The following MFAP2 variants were observed in gnomAD, a reference collection of about 807,000 sequenced individuals.
MFAP2 encodes the protein microfibrillar-associated protein 2.
Under a neutral mutation model 30.6 loss-of-function variants are expected in MFAP2, and 23 were observed. The ratio of observed to expected loss-of-function variants is 0.75; its 90% CI spans 0.54 to 1.07. The LOEUF (loss-of-function observed/expected upper bound fraction) is 1.07, where lower values mean the gene tolerates loss of function less well. Among genes scored for constraint, MFAP2 ranks in the 50% least tolerant of loss-of-function variants. MFAP2 has a pLI of 0.00. For missense variants in MFAP2, 198 were observed against 223.8 expected, an observed-to-expected ratio of 0.88 and a Z score of 0.74; for synonymous variants, 73 against 85.7, an observed-to-expected ratio of 0.85 and a Z score of 0.82.
At chr1:16,980,098 G>A (rs2076624969) in intron 1 of MFAP2, among the ~76,000 whole-genome samples, 1 of 152,016 alleles carries the variant, frequency 6.6e-6, no homozygotes, top group Non-Finnish European at 1.5e-5. Flanking sequence ...GGCTCTGCCG[G>A]CTCCAGAGCC....
At position 16,974,804 on chromosome 1, in the gene MFAP2, C is replaced by A. The variant is rs1461460815; in HGVS notation, c.*116G>T. 95 of 494,886 alleles carry A rather than the reference C, an allele frequency of 1.9e-4. 1 individual carries two copies. In the East Asian group the frequency reaches 3.0e-3, roughly 15 times the overall value. 30.7% of individuals were successfully genotyped at this position (494,886 alleles called of 1,614,324 possible). On this transcript the variant is annotated 3_prime_UTR_variant, in exon 9 of 9. Transcript: ENST00000375535. ...GCCTGCAACCCCCAGGGCTGCAGTC[C>A]ACTAACTTTTTACAGAATAAAAGGA...
chr1:16,976,791 A>T lies in MFAP2; in HGVS notation c.158T>A (p.Val53Glu). 1 of 1,613,652 alleles carries T rather than the reference A, an allele frequency of 6.2e-7. No individual in the cohort carries two copies. The highest frequency in any genetic ancestry group is 2.2e-5 in the East Asian group (1 of 44,842). ...CTGTTCCTCGGAGGGCCGAGGAGTC[A>T]CCTCTGCAGCCAGGGGAGGATAAGG... is the stretch of plus-strand genomic sequence containing the variant. The part of the protein sequence containing the change: ...DNPDYYDYQE[V>E]TPRPSEEQFQ... The change falls in exon 5 of 9, where the codon GTG becomes GAG. Residue 53 changes from valine (V) to glutamate (E), a missense_variant. By Grantham distance (121) the Val-to-Glu change is moderately radical (BLOSUM62 -2). Transcript: ENST00000375535. The surrounding 1 kb of genome is among the most constrained non-coding windows in gnomAD (Gnocchi z 5.5).
chr1:16,977,772 G>A (rs2076605218), intron 2 of MFAP2: 1 of 173,792 alleles, frequency 5.8e-6, no homozygotes, highest in African/African-American at 2.4e-5. Flanking sequence ...GCTGCTGAAT[G>A]AATGAATGTT....
intron 1 of MFAP2, among the ~76,000 whole-genome samples, chr1:16,980,200 G>A (rs898597311): frequency 5.3e-5 from 8 of 151,458 alleles, no homozygotes; most frequent in Non-Finnish European, 1.0e-4. Flanking sequence ...TGCTCCGCGC[G>A]CCCTCGCGCT....
rs2076600202 is a variant in MFAP2 at position 16,977,167 on chromosome 1, C to G, written c.69G>C (p.Leu23=). 1.2e-6 allele frequency: 2 copies of G among 1,613,426 alleles called. No individual in the cohort carries two copies. ...AGLLAQGQYD[L]DPLPPFPDHV... is the part of the protein sequence containing the mutation. ...GGTCAGGGAACGGCGGCAGCGGGTC[C>G]AGGTCATACTGGCCCTGAGCCAGCA... The change falls in exon 3 of 9, where the codon CTG becomes CTC. Residue 23 remains leucine (L), a synonymous_variant. Transcript: ENST00000375535.
rs373784175 is a variant in MFAP2, at chr1:16,976,782, C to T, written c.167G>A (p.Arg56Gln). ...GAACTGGAACTGTTCCTCGGAGGGCCGAGGAGTCACCTCTGCAGCCAGGGG... is the reference window on the plus strand; with the variant it reads ...GAACTGGAACTGTTCCTCGGAGGGCTGAGGAGTCACCTCTGCAGCCAGGGG... ...DYYDYQEVTP[R>Q]PSEEQFQFQS... The change falls in exon 5 of 9, where the codon CGG (arginine) becomes CAG (glutamine). Residue 56 changes from arginine to glutamine, a missense_variant. Transcript: ENST00000375535. The surrounding 1 kb of genome is among the most constrained non-coding windows in gnomAD (Gnocchi z 5.5). 3.6e-5 allele frequency: 58 copies of T among 1,613,772 alleles called. 1 individual carries two copies. The highest frequency in any genetic ancestry group is 2.7e-4 in the Admixed American group (16 of 59,972).
rs376536306 is a variant in MFAP2, at chr1:16,975,748, C to G, written c.287-18G>C. On this transcript the variant is annotated intron_variant, in intron 6 of 8. Transcript: ENST00000375535. The surrounding 1 kb of genome is among the most constrained non-coding windows in gnomAD (Gnocchi z 5.0). The stretch of plus-strand genomic sequence containing the variant: ...ACGGCAGTCTGGTGACAGGTGGGGT[C>G]AGACTAGGAGCCCAGAGTGGGGGGC... 1.9e-5 allele frequency: 30 copies of G among 1,610,756 alleles called. 1 individual carries two copies. The African/African-American group carries it at 4.0e-4, about 22-fold the overall frequency.
Position 16,976,461 on chromosome 1 carries a change from G to A in MFAP2, c.286+40C>T. The A allele has an allele frequency of 6.2e-7, 1 of 1,613,772 alleles. No homozygotes were observed. Among genetic ancestry groups the A allele is most frequent in the South Asian group, 1.1e-5 (1 of 91,072 alleles). On this transcript the variant is annotated intron_variant, in intron 6 of 8. Coordinates refer to ENST00000375535, the MANE Select transcript of MFAP2 (RefSeq NM_002403.4). The surrounding 1 kb of genome is among the most constrained non-coding windows in gnomAD (Gnocchi z 5.5). The stretch of plus-strand genomic sequence containing the variant: ...ACCCCCTACTCCACCCCAACTTCAG[G>A]GCGTGCCTCCATTTTTCCAGCTGTC...
At chr1:16,977,555 C>T (rs772439482) in intron 2 of MFAP2, 4 of 232,832 alleles carry the variant, frequency 1.7e-5, no homozygotes, top group South Asian at 9.0e-5. Flanking sequence ...GCCAAGATGC[C>T]GCCCCACCTC....
intron 1 of MFAP2, among the ~76,000 whole-genome samples, 198 bp from the exon 2 acceptor site, chr1:16,978,512 C>A (rs2076611850): frequency 6.6e-6 from 1 of 152,206 alleles, no homozygotes; most frequent in Non-Finnish European, 1.5e-5. Context: ...GGCCTCCAAC[C>A]CAGCTCCAGG....
intron 1 of MFAP2, among the ~76,000 whole-genome samples, chr1:16,980,376 C>T (rs548851087): frequency 7.9e-5 from 12 of 151,968 alleles, no homozygotes; most frequent in African/African-American, 2.9e-4. Context: ...GGGCTCCCCG[C>T]CCTTCCCAAT....
chr1:16,976,679 G>T lies in MFAP2; in HGVS notation c.241+29C>A, dbSNP rs1423607104. 1 of 1,612,574 alleles carries T rather than the reference G, an allele frequency of 6.2e-7. No homozygotes were observed. Among genetic ancestry groups the T allele is most frequent in the South Asian group, 1.1e-5 (1 of 91,040 alleles). On this transcript the variant is annotated intron_variant, in intron 5 of 8. Coordinates refer to ENST00000375535, the MANE Select transcript of MFAP2 (RefSeq NM_002403.4). This position sits in a 1 kb window ranked among gnomAD's most constrained non-coding sequence, Gnocchi z 5.5. ...TGGGGAGGGGTGAGGCAGGAGCTGA[G>T]ACGGGTGGGAGCAGGGTCTGGGGCC...
chr1:16,977,794 G>A (rs1036379057), intron 2 of MFAP2: 3 of 174,530 alleles, frequency 1.7e-5, no homozygotes, highest in Non-Finnish European at 3.7e-5. Context: ...GCCCTGCTAG[G>A]ACTTTTGTGG....
Position 16,976,556 on chromosome 1 carries a change from GAC to G in MFAP2, c.242-13_242-12del, listed in dbSNP as rs1161640867. 1.9e-6 allele frequency: 3 copies of G among 1,614,092 alleles called. No homozygotes were observed. Among genetic ancestry groups the G allele is most frequent in the African/African-American group, 1.3e-5 (1 of 74,948 alleles). On this transcript the variant is annotated splice_polypyrimidine_tract_variant and intron_variant, in intron 5 of 8. Coordinates refer to ENST00000375535, the MANE Select transcript of MFAP2 (RefSeq NM_002403.4). This position sits in a 1 kb window ranked among gnomAD's most constrained non-coding sequence, Gnocchi z 5.5. ...CTGCATTTCCTGGTTCTGGTGTGGA[GAC>G]AGAGGTAGGCAGACATCACTGGGAG...
chr1:16,980,040 T>TG (rs1224212025), intron 1 of MFAP2, among the ~76,000 whole-genome samples: 1 of 147,542 alleles, frequency 6.8e-6, no homozygotes, highest in Non-Finnish European at 1.5e-5. Context: ...TCCTGGGAGG[T>TG]GGGGGACAGG....
chr1:16,977,177 T>A lies in MFAP2; in HGVS notation c.59A>T (p.Gln20Leu). 6.2e-7 allele frequency: 1 copy of A among 1,613,456 alleles called. No individual in the cohort carries two copies. Among genetic ancestry groups the A allele is most frequent in the Non-Finnish European group, 8.5e-7 (1 of 1,179,910 alleles). Reference protein sequence around the residue: ...FLPAGLLAQGQYDLDPLPPFP... With the variant: ...FLPAGLLAQGLYDLDPLPPFP... ...CGGCGGCAGCGGGTCCAGGTCATAC[T>A]GGCCCTGAGCCAGCAAGCCTGCTGT... The change falls in exon 3 of 9, where the codon CAG (glutamine) becomes CTG (leucine). Residue 20 changes from glutamine (Q) to leucine (L), a missense_variant. Coordinates refer to ENST00000375535, the MANE Select transcript of MFAP2 (RefSeq NM_002403.4).
Position 16,975,357 on chromosome 1 carries a change from C to T in MFAP2, c.375-15G>A, listed in dbSNP as rs2100579497. On this transcript the variant is annotated splice_polypyrimidine_tract_variant and intron_variant, in intron 7 of 8. Coordinates refer to ENST00000375535, the MANE Select transcript of MFAP2 (RefSeq NM_002403.4). The surrounding 1 kb of genome is among the most constrained non-coding windows in gnomAD (Gnocchi z 5.0). ...CACGGCGGAGGCTGCGGGGACAGGG[C>T]ACGGGAGGTCTCAGCCCCACTTCCA... is the stretch of plus-strand genomic sequence containing the variant. 2.5e-6 allele frequency: 4 copies of T among 1,612,294 alleles called. No individual in the cohort carries two copies. Among genetic ancestry groups the T allele is most frequent in the Non-Finnish European group, 3.4e-6 (4 of 1,179,072 alleles).
At chr1:16,980,011 C>G (rs1482771588) in intron 1 of MFAP2, among the ~76,000 whole-genome samples, 6 of 152,038 alleles carry the variant, frequency 3.9e-5, no homozygotes, top group Non-Finnish European at 7.4e-5. Flanking sequence ...CGGCCTCCCC[C>G]ACCCCCGACT....
Position 16,978,328 on chromosome 1 carries a change from G to A in MFAP2, c.-41-14C>T, listed in dbSNP as rs192128820. 226 of 1,548,582 alleles carry A rather than the reference G, an allele frequency of 1.5e-4. 3 individuals are homozygous for A. Among genetic ancestry groups the A allele is most frequent in the Middle Eastern group, 1.2e-3 (7 of 5,784 alleles). On this transcript the variant is annotated splice_polypyrimidine_tract_variant and intron_variant, in intron 1 of 8. Coordinates refer to ENST00000375535, the MANE Select transcript of MFAP2 (RefSeq NM_002403.4). ...CAGAGAGGACAGCTGGGGAAAGACC[G>A]GTGGGAGAGCTCTACCCAGGGCCAC... is the stretch of plus-strand genomic sequence containing the variant.
Sources: gnomAD v4.1 joint callset for allele counts (sites outside exome capture counted in the v4.1 genomes callset) on GRCh38, gnomAD v4.1.1 for gene constraint, Gnocchi (gnomAD v3.1) non-coding constraint, MANE v1.5 for transcripts, NCBI Gene and HGNC (gene_info 2026-07-23, HGNC 2026-07-21) for gene names.